SPECC1: variants seen among roughly 807,000 people sequenced by gnomAD.
The protein encoded by SPECC1 is cytospin-B.
In SPECC1, 62 loss-of-function variants were observed where a neutral mutation model predicts 104.1. That is an observed-to-expected ratio of 0.60 (90% CI 0.49 to 0.74). The LOEUF (loss-of-function observed/expected upper bound fraction) is 0.74, where lower values mean the gene tolerates loss of function less well. Ranked by LOEUF, SPECC1 falls within the 30% of genes least tolerant of loss-of-function variation. SPECC1 has a pLI of 0.00. For synonymous variants in SPECC1, 513 were observed against 501.6 expected, an observed-to-expected ratio of 1.02 and a Z score of -0.30; for missense variants, 1,306 against 1,310.5, an observed-to-expected ratio of 1.00 and a Z score of 0.05.
At position 20,306,065 on chromosome 17, in the gene SPECC1, G is replaced by C. The variant is rs753642152; in HGVS notation, c.3100G>C (p.Gly1034Arg). Residue 1034 changes from glycine to arginine, a missense_variant, in exon 14 of 15, where the codon GGC becomes CGC. Gly to Arg is a moderately radical substitution (Grantham distance 125). This residue lies in a region of SPECC1 where 129 missense variants were observed against 170.6 expected (regional missense o/e 0.76). Coordinates refer to ENST00000395527, the MANE Select transcript of SPECC1 (RefSeq NM_001243439.2). ...GGCATTTGAAGCGGCTGAAAGTGTA[G>C]GCATCAAACCCAGCCTGGTACGTAT... is the stretch of plus-strand genomic sequence containing the variant. ...LLAFEAAESV[G>R]IKPSLELSEM... The C allele has an allele frequency of 6.5e-5, 105 of 1,613,830 alleles. No homozygotes were observed. The highest frequency in any genetic ancestry group is 8.7e-5 in the Non-Finnish European group (103 of 1,179,978).
At chr17:20,313,530 C>CA (rs1755217071) in intron 14 of SPECC1, among the ~76,000 whole-genome samples, 1 of 152,218 alleles carries the variant, frequency 6.6e-6, no homozygotes, top group Non-Finnish European at 1.5e-5. Flanking sequence ...CGCACAGTGG[C>CA]ACAGCAGCAC....
At chr17:20,048,575 CT>C (rs2045627802) in intron 1 of SPECC1, among the ~76,000 whole-genome samples, 1 of 152,010 alleles carries the variant, frequency 6.6e-6, no homozygotes, top group African/African-American at 2.4e-5. Context: ...TCTGTTTTGA[CT>C]TTAATAGAAG....
chr17:20,217,266 TG>T (rs1567951840), intron 4 of SPECC1, among the ~76,000 whole-genome samples: 3 of 146,266 alleles, frequency 2.1e-5, no homozygotes, highest in African/African-American at 7.9e-5. Flanking sequence ...TTTTTTATTG[TG>T]TGTGTGTGTG....
intron 13 of SPECC1, among the ~76,000 whole-genome samples, chr17:20,305,266 A>C (rs1201687559): frequency 6.6e-6 from 1 of 152,180 alleles, no homozygotes; most frequent in Non-Finnish European, 1.5e-5. Context: ...GACAATGTAC[A>C]ACTTGACCAG....
intron 12 of SPECC1, among the ~76,000 whole-genome samples, chr17:20,273,483 G>A (rs1456937246): frequency 6.6e-6 from 1 of 151,752 alleles, no homozygotes; most frequent in African/African-American, 2.4e-5. Context: ...AAAAAGAAGA[G>A]GCCTGGGGGT....
intron 14 of SPECC1, among the ~76,000 whole-genome samples, chr17:20,308,648 TA>T (rs556696771): frequency 1.3e-3 from 196 of 152,316 alleles, no homozygotes; most frequent in Non-Finnish European, 2.2e-3. Flanking sequence ...CTTTAAAATG[TA>T]GTCACACACA....
intron 11 of SPECC1, among the ~76,000 whole-genome samples, chr17:20,259,578 G>GC (rs1410262680): frequency 6.6e-6 from 1 of 152,170 alleles, no homozygotes; most frequent in East Asian, 1.9e-4. Flanking sequence ...CAGTCATAGT[G>GC]CACTACAACC....
chr17:20,016,461 T>A, intron 1 of SPECC1, among the ~76,000 whole-genome samples: 1 of 151,640 alleles, frequency 6.6e-6, no homozygotes, highest in East Asian at 2.0e-4. Context: ...CAGGGAGGTG[T>A]GGAGGGAGAG....
chr17:20,194,662 C>A (rs556856893), intron 3 of SPECC1, among the ~76,000 whole-genome samples: 1 of 151,546 alleles, frequency 6.6e-6, no homozygotes, highest in Non-Finnish European at 1.5e-5. Context: ...GGCGCCACCA[C>A]GCCTAGCTAC....
intron 2 of SPECC1, among the ~76,000 whole-genome samples, chr17:20,101,986 A>G (rs1038013142): frequency 3.3e-5 from 5 of 152,192 alleles, no homozygotes; most frequent in African/African-American, 9.6e-5. Context: ...CCTTTTATAT[A>G]CTTTCTTATA....
intron 3 of SPECC1, among the ~76,000 whole-genome samples, chr17:20,168,272 A>G (rs1299909635): frequency 1.3e-5 from 2 of 152,322 alleles, no homozygotes; most frequent in African/African-American, 2.4e-5. Flanking sequence ...ACATTACACC[A>G]TTGGCTAAAA....
intron 1 of SPECC1, among the ~76,000 whole-genome samples, chr17:20,066,908 C>G (rs2046376037): frequency 7.9e-6 from 1 of 125,818 alleles, no homozygotes; most frequent in African/African-American, 2.8e-5. Flanking sequence ...CCTGGCTAAT[C>G]AAATTTTTTT....
intron 12 of SPECC1, among the ~76,000 whole-genome samples, chr17:20,288,771 CTTTTTTTTTT>C (rs60578647): frequency 2.7e-5 from 2 of 73,708 alleles, no homozygotes; most frequent in Admixed American, 1.8e-4. Context: ...AAGGGCACTT[CTTTTTTTTTT>C]TTTTTTTTTT....
chr17:20,099,306 A>G (rs1206305887), intron 2 of SPECC1, among the ~76,000 whole-genome samples: 1 of 152,064 alleles, frequency 6.6e-6, no homozygotes, highest in Non-Finnish European at 1.5e-5. Flanking sequence ...ATATAAACTT[A>G]GATTTTTAAA....
intron 3 of SPECC1, among the ~76,000 whole-genome samples, chr17:20,178,594 A>G (rs1455464193): frequency 6.6e-6 from 1 of 152,202 alleles, no homozygotes; most frequent in Non-Finnish European, 1.5e-5. Flanking sequence ...CCTGATTTAA[A>G]ACTTTTACTA....
chr17:20,101,569 G>A (rs1481584374), intron 2 of SPECC1, among the ~76,000 whole-genome samples: 1 of 152,210 alleles, frequency 6.6e-6, no homozygotes, highest in Admixed American at 6.5e-5. Context: ...CAGGGAGGGT[G>A]CATACACTCC....
At chr17:20,155,751 T>G in intron 3 of SPECC1, 2 of 263,802 alleles carry the variant, frequency 7.6e-6, no homozygotes, top group Non-Finnish European at 1.2e-5. Context: ...CGCAGTGGGG[T>G]TTTTCCAGCC....
At chr17:20,156,356 G>A (rs2032524889) in intron 3 of SPECC1, 4 of 1,127,962 alleles carry the variant, frequency 3.5e-6, no homozygotes, top group Non-Finnish European at 4.5e-6. Context: ...TAAGGTCCTG[G>A]GGTGTGATTC....
intron 1 of SPECC1, among the ~76,000 whole-genome samples, chr17:20,066,680 C>T (rs2046368118): frequency 6.6e-6 from 1 of 152,092 alleles, no homozygotes. Context: ...TTACTTTCTG[C>T]AATATAAGCC....
Sources: allele counts gnomAD v4.1 joint callset (sites outside exome capture counted in the v4.1 genomes callset), GRCh38; gene constraint gnomAD v4.1.1; regional missense constraint gnomAD v4.1.1; transcripts MANE v1.5; gene names NCBI Gene and HGNC (gene_info 2026-07-23, HGNC 2026-07-21).